The following MTARC1 variants were observed in gnomAD, a reference collection of about 807,000 sequenced individuals.
MTARC1 encodes the protein mitochondrial amidoxime reducing component 1.
MTARC1 carries 24 observed loss-of-function variants against 33.6 expected under a neutral mutation model. The observed-to-expected ratio is 0.72, with a 90% CI of 0.52 to 1.01. MTARC1 has a LOEUF of 1.01. Among genes scored for constraint, MTARC1 ranks in the 50% least tolerant of loss-of-function variants. The probability of loss-of-function intolerance (pLI) is 0.00; values close to 1 mark genes in which losing one functional copy is unlikely to be tolerated. For synonymous variants in MTARC1, 187 were observed against 189.5 expected, an observed-to-expected ratio of 0.99 and a Z score of 0.11; for missense variants, 417 against 445.7, an observed-to-expected ratio of 0.94 and a Z score of 0.58.
intron 6 of MTARC1, among the ~76,000 whole-genome samples, chr1:220,812,499 C>G (rs930315801): frequency 6.6e-6 from 1 of 152,108 alleles, no homozygotes; most frequent in Non-Finnish European, 1.5e-5. Flanking sequence ...TCGTGACAGT[C>G]GGAATGAGGA....
In MTARC1 at chr1:220,787,213, G is replaced by C. The variant is rs200908372; in HGVS notation, c.269G>C (p.Arg90Pro). 1 of 1,570,398 alleles carries C rather than the reference G, an allele frequency of 6.4e-7. No homozygotes were observed. The highest frequency in any genetic ancestry group is 2.4e-5 in the East Asian group (1 of 41,914). The change falls in exon 1 of 7, where the codon CGG (arginine) becomes CCG (proline). Residue 90 changes from arginine (R) to proline (P), a missense_variant. Transcript: ENST00000366910. ...TAMGLRSGNLRDRFWLVINQE... is the reference protein window; with the variant it reads ...TAMGLRSGNLPDRFWLVINQE... Reference sequence around the variant, plus strand: ...ATGGGGCTGCGCAGCGGCAACCTGCGGGACAGGTACGGCCAAGCGCCGGCG... The same window carrying C: ...ATGGGGCTGCGCAGCGGCAACCTGCCGGACAGGTACGGCCAAGCGCCGGCG...
chr1:220,807,603 A>AAAC (rs1177022852), intron 6 of MTARC1, among the ~76,000 whole-genome samples: 1 of 152,098 alleles, frequency 6.6e-6, no homozygotes, highest in African/African-American at 2.4e-5. Context: ...ACAAACAAAC[A>AAAC]AAAAAACAAA....
At chr1:220,788,145 T>C (rs774665668) in intron 1 of MTARC1, among the ~76,000 whole-genome samples, 7 of 152,188 alleles carry the variant, frequency 4.6e-5, no homozygotes, top group Non-Finnish European at 1.0e-4. Flanking sequence ...CCAGGACTCT[T>C]ATTTTCTTTA....
At chr1:220,808,020 T>C (rs1044492762) in intron 6 of MTARC1, among the ~76,000 whole-genome samples, 3 of 152,128 alleles carry the variant, frequency 2.0e-5, no homozygotes, top group Non-Finnish European at 2.9e-5. Context: ...AATAGATGAT[T>C]CTGTGTAAAT....
chr1:220,806,613 A>T (rs1001934872), intron 6 of MTARC1, among the ~76,000 whole-genome samples: 1 of 151,926 alleles, frequency 6.6e-6, no homozygotes, highest in Non-Finnish European at 1.5e-5. Flanking sequence ...TCAACAACCA[A>T]TCCCTCCCTG....
chr1:220,804,306 A>G (rs1455632372), intron 4 of MTARC1, among the ~76,000 whole-genome samples: 2 of 152,224 alleles, frequency 1.3e-5, no homozygotes, highest in Non-Finnish European at 2.9e-5. Flanking sequence ...AAGCATTGCC[A>G]GCACAGTTAA....
chr1:220,814,284 G>A lies in MTARC1; in HGVS notation c.*866G>A, dbSNP rs1288791797. On this transcript the variant is annotated 3_prime_UTR_variant, in exon 7 of 7. Transcript: ENST00000366910. ...AACTGATTGTATAACTCTAAGATCTGATGAAGTATATTTTTTATTGCCATT... is the reference window on the plus strand; with the variant it reads ...AACTGATTGTATAACTCTAAGATCTAATGAAGTATATTTTTTATTGCCATT... 6.6e-6 allele frequency: 1 copy of A among 152,216 alleles called. No individual in the cohort carries two copies. Among genetic ancestry groups the A allele is most frequent in the Non-Finnish European group, 1.5e-5 (1 of 68,036 alleles). 9.4% of individuals were successfully genotyped at this position (152,216 alleles called of 1,614,324 possible). A position where few individuals can be genotyped will look rare whatever the true frequency, so the allele number is the denominator to read the frequency against.
At chr1:220,813,136 T>G (rs2102612738) in intron 6 of MTARC1, among the ~76,000 whole-genome samples, 156 bp from the exon 7 acceptor site, 1 of 152,338 alleles carries the variant, frequency 6.6e-6, no homozygotes, top group East Asian at 1.9e-4. Flanking sequence ...GGCTGTTCAC[T>G]GCCCCACTCC....
chr1:220,787,247 C>T, intron 1 of MTARC1, 28 bp downstream of exon 1: 2 of 1,543,798 alleles, frequency 1.3e-6, no homozygotes, highest in East Asian at 2.5e-5. Context: ...CGCGGGGCAG[C>T]GCTGATCCGG....
chr1:220,799,790 C>G (rs780595783), intron 4 of MTARC1, among the ~76,000 whole-genome samples: 8 of 152,208 alleles, frequency 5.3e-5, no homozygotes, highest in Non-Finnish European at 8.8e-5. Flanking sequence ...CCTGCTTCCG[C>G]AAGTGACCGT....
intron 1 of MTARC1, among the ~76,000 whole-genome samples, chr1:220,789,910 G>A (rs1360909092): frequency 6.6e-6 from 1 of 152,236 alleles, no homozygotes; most frequent in Non-Finnish European, 1.5e-5. Context: ...GCTGGGGGAA[G>A]GGGAAAACGA....
At chr1:220,800,391 A>T (rs1368497457) in intron 4 of MTARC1, among the ~76,000 whole-genome samples, 5 of 135,016 alleles carry the variant, frequency 3.7e-5, no homozygotes, top group Non-Finnish European at 7.8e-5. Context: ...TGCTTCTCCT[A>T]AGGAGCTCAG....
chr1:220,806,664 G>C (rs1672981903), intron 6 of MTARC1, among the ~76,000 whole-genome samples: 1 of 152,184 alleles, frequency 6.6e-6, no homozygotes, highest in Admixed American at 6.5e-5. Context: ...CTCTGGGCAA[G>C]CTGAAGCCCT....
chr1:220,805,981 A>T (rs1190812206), intron 6 of MTARC1, among the ~76,000 whole-genome samples: 1 of 152,208 alleles, frequency 6.6e-6, no homozygotes, highest in African/African-American at 2.4e-5. Context: ...TTTACTTTTT[A>T]AAAAACATAT....
chr1:220,817,834 C>G lies in MTARC1; in HGVS notation c.*4416C>G, dbSNP rs540001378. ...TCTTGATCTCGTGATCTGCCCGCCT[C>G]GGCCTCCCAAAGTGCTGGGATTACA... On this transcript the variant is annotated 3_prime_UTR_variant, in exon 7 of 7. Transcript: ENST00000366910. 6.6e-6 allele frequency: 1 copy of G among 152,232 alleles called. No homozygotes were observed. Among genetic ancestry groups the G allele is most frequent in the African/African-American group, 2.4e-5 (1 of 41,412 alleles). The allele number at this position is 152,232 out of a possible 1,614,324, so 9.4% of individuals were successfully genotyped here. A position where few individuals can be genotyped will look rare whatever the true frequency, so the allele number is the denominator to read the frequency against.
chr1:220,809,770 A>G (rs1673072255), intron 6 of MTARC1, among the ~76,000 whole-genome samples: 1 of 152,180 alleles, frequency 6.6e-6, no homozygotes, highest in Non-Finnish European at 1.5e-5. Flanking sequence ...TTGGCTTCCC[A>G]AAGTATTGGG....
chr1:220,810,130 G>A (rs1179071892), intron 6 of MTARC1, among the ~76,000 whole-genome samples: 2 of 152,180 alleles, frequency 1.3e-5, no homozygotes, highest in African/African-American at 4.8e-5. Context: ...CATTTAAGGA[G>A]AAAGTGCACT....
Position 220,796,579 on chromosome 1 carries a change from G to T in MTARC1, c.450-64G>T. ...AGGAGCAGCTTTTCTGATATAGCTGGCACATATTAGGGTGCATGGATTTTC... is the reference window on the plus strand; with the variant it reads ...AGGAGCAGCTTTTCTGATATAGCTGTCACATATTAGGGTGCATGGATTTTC... On this transcript the variant is annotated intron_variant, in intron 2 of 6. Coordinates refer to ENST00000366910, the MANE Select transcript of MTARC1 (RefSeq NM_022746.4). 5.4e-6 allele frequency: 8 copies of T among 1,472,620 alleles called. No individual in the cohort carries two copies. In the South Asian group the frequency reaches 9.9e-5, roughly 18 times the overall value. 91.2% of individuals were successfully genotyped at this position (1,472,620 alleles called of 1,614,324 possible).
intron 6 of MTARC1, among the ~76,000 whole-genome samples, chr1:220,805,628 T>C (rs1324831124): frequency 6.6e-6 from 1 of 152,234 alleles, no homozygotes; most frequent in Admixed American, 6.5e-5. Flanking sequence ...GAAATGTCAA[T>C]ATATTTTAGA....
Sources: allele counts gnomAD v4.1 joint callset (sites outside exome capture counted in the v4.1 genomes callset), GRCh38; gene constraint gnomAD v4.1.1; transcripts MANE v1.5; gene names NCBI Gene and HGNC (gene_info 2026-07-23, HGNC 2026-07-21).